Variants in NPAS2 observed in about 807,000 individuals in gnomAD.
NPAS2 encodes the protein neuronal PAS domain-containing protein 2.
Under a neutral mutation model 107.5 loss-of-function variants are expected in NPAS2, and 23 were observed. The observed-to-expected ratio is 0.21, with a 90% CI of 0.15 to 0.30. The LOEUF (loss-of-function observed/expected upper bound fraction) is 0.30. Among genes scored for constraint, NPAS2 ranks in the 10% least tolerant of loss-of-function variants. NPAS2 has a pLI of 1.00. For synonymous variants in NPAS2, 403 were observed against 417.5 expected, an observed-to-expected ratio of 0.97 and a Z score of 0.42; for missense variants, 756 against 1,043.3, an observed-to-expected ratio of 0.72 and a Z score of 3.79.
At chr2:100,894,219 C>T (rs1031754507) in intron 1 of NPAS2, among the ~76,000 whole-genome samples, 1 of 152,212 alleles carries the variant, frequency 6.6e-6, no homozygotes, top group African/African-American at 2.4e-5. Context: ...TTGCAGGCTT[C>T]ACTTTTGTCC....
At chr2:100,937,575 A>T (rs912647945) in intron 4 of NPAS2, among the ~76,000 whole-genome samples, 178 bp from the exon 5 acceptor site, 1 of 152,148 alleles carries the variant, frequency 6.6e-6, no homozygotes, top group Non-Finnish European at 1.5e-5. Flanking sequence ...GGCCAGACAC[A>T]TTTTCTGTAA....
chr2:100,851,245 A>G (rs1303536668), intron 1 of NPAS2, among the ~76,000 whole-genome samples: 1 of 152,248 alleles, frequency 6.6e-6, no homozygotes, highest in African/African-American at 2.4e-5. Flanking sequence ...CAGTGTGAAC[A>G]GTACTGAGCT....
intron 5 of NPAS2, among the ~76,000 whole-genome samples, chr2:100,945,988 G>T (rs1017223469): frequency 6.6e-6 from 1 of 152,226 alleles, no homozygotes; most frequent in African/African-American, 2.4e-5. Flanking sequence ...ACAAGGCACT[G>T]GGCCCTGCTC....
At chr2:100,953,637 A>G (rs1675377269) in intron 7 of NPAS2, among the ~76,000 whole-genome samples, 1 of 152,116 alleles carries the variant, frequency 6.6e-6, no homozygotes, top group Admixed American at 6.5e-5. Flanking sequence ...CCATCTTCAC[A>G]GAGGAGGAAA....
Position 100,949,396 on chromosome 2 carries a change from C to A in NPAS2, c.514C>A (p.Leu172Ile), listed in dbSNP as rs774012759. The A allele has an allele frequency of 2.5e-6, 4 of 1,613,386 alleles. No homozygotes were observed. The East Asian group carries it at 6.7e-5, about 27-fold the overall frequency. Residue 172 changes from leucine (L) to isoleucine (I), a missense_variant, in exon 7 of 21, where the codon CTT (leucine) becomes ATT (isoleucine). Coordinates refer to ENST00000335681, the MANE Select transcript of NPAS2 (RefSeq NM_002518.4). Reference protein sequence around the residue: ...SDSDLEFYCHLLRGSLNPKEF... With the variant: ...SDSDLEFYCHILRGSLNPKEF... The stretch of plus-strand genomic sequence containing the variant: ...CAGCGATTTAGAGTTTTATTGCCAT[C>A]TTCTCAGAGGCAGCTTGAACCCAAA...
chr2:100,892,437 A>T (rs12712083), intron 1 of NPAS2, among the ~76,000 whole-genome samples: 2 of 151,870 alleles, frequency 1.3e-5, no homozygotes, highest in Admixed American at 6.6e-5. Context: ...TTAGACACTC[A>T]TGGTAGCGTT....
At chr2:100,837,153 G>A (rs1677119825) in intron 1 of NPAS2, among the ~76,000 whole-genome samples, 1 of 152,120 alleles carries the variant, frequency 6.6e-6, no homozygotes, top group South Asian at 2.1e-4. Flanking sequence ...TAAAGCAGAA[G>A]CCTGAATTCA....
intron 1 of NPAS2, among the ~76,000 whole-genome samples, chr2:100,890,685 G>GGAGT (rs1680994686): frequency 6.6e-6 from 1 of 152,100 alleles, no homozygotes; most frequent in African/African-American, 2.4e-5. Flanking sequence ...GACAGTGGAA[G>GGAGT]GAGTGGAGGA....
intron 1 of NPAS2, among the ~76,000 whole-genome samples, chr2:100,839,228 A>C (rs1220832957): frequency 6.6e-6 from 1 of 152,170 alleles, no homozygotes; most frequent in Non-Finnish European, 1.5e-5. Context: ...TCCTGGGTTC[A>C]AGGGATTCTC....
At chr2:100,894,990 GTAAGATGGAGTCTTTCTC>G (rs1681308667) in intron 1 of NPAS2, among the ~76,000 whole-genome samples, 1 of 152,212 alleles carries the variant, frequency 6.6e-6, no homozygotes, top group Non-Finnish European at 1.5e-5. Context: ...CTTTTAAAAT[GTAAGATGGAGTCTTTCTC>G]TAAGATGGAG....
chr2:100,858,014 T>A (rs1355759772), intron 1 of NPAS2, among the ~76,000 whole-genome samples: 1 of 152,204 alleles, frequency 6.6e-6, no homozygotes, highest in Non-Finnish European at 1.5e-5. Flanking sequence ...AAGTCAGTAC[T>A]CAAGAGAAGG....
At chr2:100,949,588 C>A in intron 7 of NPAS2, 108 bp downstream of exon 7, 1 of 668,040 alleles carries the variant, frequency 1.5e-6, no homozygotes. Flanking sequence ...GCGTGCTTTT[C>A]ACATTTGCAT....
intron 7 of NPAS2, among the ~76,000 whole-genome samples, chr2:100,962,278 C>T (rs918502550): frequency 2.0e-5 from 3 of 151,872 alleles, no homozygotes; most frequent in African/African-American, 7.3e-5. Context: ...GAGAGAAGAC[C>T]ACATTATAGA....
At position 100,971,298 on chromosome 2, in the gene NPAS2, C is replaced by CAAAA. The variant is rs35040339; in HGVS notation, c.1140+241_1140+244dup. ...CGGATGACAGAGTAAGACTCTATCT[C>CAAAA]AAAAAAAAAAAAAAAAAAAAGAGCC... On this transcript the variant is annotated intron_variant, in intron 12 of 20. Transcript: ENST00000335681. Among the ~76,000 whole-genome samples, 431 of 102,402 alleles carry CAAAA rather than the reference C, an allele frequency of 4.2e-3. 14 individuals are homozygous for CAAAA. Among genetic ancestry groups the CAAAA allele is most frequent in the East Asian group, 0.013 (38 of 3,040 alleles). The allele number at this position is 102,402 out of a possible 152,430, so 67.2% of individuals were successfully genotyped here.
chr2:100,836,801 C>T (rs2104397896), intron 1 of NPAS2, among the ~76,000 whole-genome samples: 1 of 152,178 alleles, frequency 6.6e-6, no homozygotes, highest in East Asian at 1.9e-4. Context: ...AAGAGGTATA[C>T]AGGGTTTGGG....
intron 1 of NPAS2, among the ~76,000 whole-genome samples, chr2:100,883,435 A>C (rs1680501611): frequency 6.6e-6 from 1 of 152,184 alleles, no homozygotes; most frequent in Non-Finnish European, 1.5e-5. Context: ...TCATTTGCAG[A>C]GTGGTGTGTC....
chr2:100,972,214 C>T (rs890258682), intron 12 of NPAS2, among the ~76,000 whole-genome samples: 2 of 152,312 alleles, frequency 1.3e-5, no homozygotes, highest in African/African-American at 4.8e-5. Context: ...TCTCAAAGTG[C>T]TGGGATTACA....
At position 100,968,602 on chromosome 2, in the gene NPAS2, C is replaced by G. The variant is rs1676367798; in HGVS notation, c.1055+174C>G. 1.3e-5 allele frequency among the ~76,000 whole-genome samples: 2 copies of G among 152,140 alleles called. No individual in the cohort carries two copies. The highest frequency in any genetic ancestry group is 1.3e-4 in the Admixed American group (2 of 15,282). On this transcript the variant is annotated intron_variant, in intron 11 of 20. Coordinates refer to ENST00000335681, the MANE Select transcript of NPAS2 (RefSeq NM_002518.4). This position sits in a 1 kb window ranked among gnomAD's most constrained non-coding sequence, Gnocchi z 5.3. Reference sequence around the variant, plus strand: ...TAACAGCACAATTCCCAGAGCTCAGCTCGCTTCCAGGCACCACTGGCTCTG... The same window carrying G: ...TAACAGCACAATTCCCAGAGCTCAGGTCGCTTCCAGGCACCACTGGCTCTG...
intron 1 of NPAS2, chr2:100,822,708 G>A (rs1459333918): frequency 6.6e-6 from 1 of 152,140 alleles, no homozygotes; most frequent in African/African-American, 2.4e-5. Flanking sequence ...ACAAGCATGT[G>A]TTTTGTTCTT....
Sources: allele counts gnomAD v4.1 joint callset (sites outside exome capture counted in the v4.1 genomes callset), GRCh38; gene constraint gnomAD v4.1.1; non-coding constraint Gnocchi (gnomAD v3.1); transcripts MANE v1.5; gene names NCBI Gene and HGNC (gene_info 2026-07-23, HGNC 2026-07-21).